PM20D1: variants seen among roughly 807,000 people sequenced by gnomAD.
PM20D1 encodes the protein N-fatty-acyl-amino acid synthase/hydrolase PM20D1.
In PM20D1, 53 loss-of-function variants were observed where a neutral mutation model predicts 53.8. The observed-to-expected ratio is 0.98, with a 90% confidence interval of 0.79 to 1.24. The LOEUF (loss-of-function observed/expected upper bound fraction) is 1.24, where lower values mean the gene tolerates loss of function less well. Ranked by LOEUF, PM20D1 falls within the 50% of genes most tolerant of loss-of-function variation. The pLI, the probability that PM20D1 is intolerant of heterozygous loss-of-function variation, is 0.00. For synonymous variants in PM20D1, 239 were observed against 241.3 expected (o/e 0.99, Z 0.09); for missense variants, 564 against 616.8 (o/e 0.91, Z 0.91).
chr1:205,830,439 G>T (rs985800426), intron 11 of PM20D1, 60 bp from the exon 12 acceptor site: 3 of 1,259,060 alleles, frequency 2.4e-6, no homozygotes, highest in Non-Finnish European at 3.5e-6. Context: ...CAGCGAAGTG[G>T]CTGGGGTGTG....
chr1:205,831,557 G>A (rs955745345), intron 11 of PM20D1, among the ~76,000 whole-genome samples: 10 of 139,570 alleles, frequency 7.2e-5, no homozygotes, highest in South Asian at 4.5e-4. Flanking sequence ...ATTGAGCAAC[G>A]TCTCTCTCCT....
chr1:205,843,670 C>T lies in PM20D1; in HGVS notation c.824G>A (p.Ser275Asn), dbSNP rs779831025. The T allele has an allele frequency of 1.1e-5, 18 of 1,613,374 alleles. No individual in the cohort carries two copies. The East Asian group carries it at 4.0e-4, about 36-fold the overall frequency. The change falls in exon 6 of 13, where the codon AGC becomes AAC. Residue 275 changes from serine (S) to asparagine (N), a missense_variant. By Grantham distance (46) the Ser-to-Asn change is conservative. Transcript: ENST00000367136. The stretch of plus-strand genomic sequence containing the variant: ...AACAGGGCCAGGAGTTGCTTACCGG[C>T]TGACAGCAGCTGCAAGGATGCCAAT... ...TSIGILAAAV[S>N]RLEQTPMPII...
chr1:205,848,149 G>A (rs952278760), intron 1 of PM20D1, among the ~76,000 whole-genome samples, 178 bp from the exon 2 acceptor site: 3 of 152,176 alleles, frequency 2.0e-5, no homozygotes. Flanking sequence ...AATGCTTGGA[G>A]AGGTTAGGTG....
rs2102521683 is a variant in PM20D1 at position 205,830,283 on chromosome 1, T to C, written c.1382A>G (p.Lys461Arg). ...YPIYIQPEDF[K>R]RIHGVNEKIS... ...TGCTCAAACCTGTTCCACTCACCGT[T>C]TGAAGTCTTCAGGCTGTATGTAGAT... Residue 461 changes from lysine (K) to arginine (R), a missense_variant, in exon 12 of 13, where the codon AAA becomes AGA. Lys to Arg is a conservative substitution (Grantham distance 26, BLOSUM62 2). Coordinates refer to ENST00000367136, the MANE Select transcript of PM20D1 (RefSeq NM_152491.5). 3.1e-6 allele frequency: 5 copies of C among 1,592,230 alleles called. No homozygotes were observed. The East Asian group carries it at 6.7e-5, about 21-fold the overall frequency.
intron 2 of PM20D1, among the ~76,000 whole-genome samples, chr1:205,847,006 C>CTTTTTT (rs778538865): frequency 1.1e-3 from 50 of 44,638 alleles, no homozygotes; most frequent in Middle Eastern, 0.025. Context: ...TCCTTCCTTT[C>CTTTTTT]TTTTTTTTTT....
At chr1:205,842,298 A>T (rs1656830526) in intron 7 of PM20D1, 83 bp from the exon 8 acceptor site, 4 of 1,295,218 alleles carry the variant, frequency 3.1e-6, no homozygotes, top group Admixed American at 1.7e-5. Context: ...TCTACTTTAG[A>T]GCTGCCTCAG....
intron 5 of PM20D1, 120 bp downstream of exon 5, chr1:205,843,967 G>A (rs901249235): frequency 8.8e-6 from 13 of 1,477,398 alleles, no homozygotes; most frequent in East Asian, 4.6e-5. Context: ...AGATTGGGGC[G>A]ATTAATGCGA....
At position 205,842,181 on chromosome 1, in the gene PM20D1, G is replaced by A; in HGVS notation, c.938C>T (p.Pro313Leu). ...GCTTATAAGTGGTTCAAATAGCCAT[G>A]GGTTGCTCAGGATTATATTGACAGG... is the stretch of plus-strand genomic sequence containing the variant. ...PFPVNIILSNPWLFEPLISRF... is the reference protein window; with the variant it reads ...PFPVNIILSNLWLFEPLISRF... The change falls in exon 8 of 13, where the codon CCA becomes CTA. Residue 313 changes from proline to leucine, a missense_variant. Coordinates refer to ENST00000367136, the MANE Select transcript of PM20D1 (RefSeq NM_152491.5). 1 of 1,613,304 alleles carries A rather than the reference G, an allele frequency of 6.2e-7. No homozygotes were observed. Among genetic ancestry groups the A allele is most frequent in the South Asian group, 1.1e-5 (1 of 91,060 alleles).
chr1:205,841,718 C>T (rs977369013), intron 9 of PM20D1, 93 bp downstream of exon 9: 2 of 1,284,758 alleles, frequency 1.6e-6, no homozygotes, highest in Non-Finnish European at 2.2e-6. Context: ...CTGACACACA[C>T]AGAAGGAAGG....
At chr1:205,849,051 T>A (rs34439790) in intron 1 of PM20D1, among the ~76,000 whole-genome samples, 1 of 152,336 alleles carries the variant, frequency 6.6e-6, no homozygotes, top group Non-Finnish European at 1.5e-5. Flanking sequence ...CCTCCCAGGC[T>A]TGTCACTCTA....
chr1:205,828,386 C>T lies in PM20D1; in HGVS notation c.*234G>A. 2 of 477,966 alleles carry T rather than the reference C, an allele frequency of 4.2e-6. No homozygotes were observed. The highest frequency in any genetic ancestry group is 7.5e-6 in the Non-Finnish European group (2 of 267,286). 29.6% of individuals were successfully genotyped at this position (477,966 alleles called of 1,614,324 possible). On this transcript the variant is annotated 3_prime_UTR_variant, in exon 13 of 13. Coordinates refer to ENST00000367136, the MANE Select transcript of PM20D1 (RefSeq NM_152491.5). ...ATAAGACAGATAAGGGACAAGAGGG[C>T]AGCAAATGCCAGTGGATCAAGGGAT...
At chr1:205,847,165 G>A (rs1353108820) in intron 2 of PM20D1, among the ~76,000 whole-genome samples, 4 of 126,730 alleles carry the variant, frequency 3.2e-5, no homozygotes, top group South Asian at 2.9e-4. Context: ...ACAGGTGCTC[G>A]CCACCATGCA....
At position 205,841,793 on chromosome 1, in the gene PM20D1, A is replaced by G; in HGVS notation, c.1044+18T>C. ...GGCGGTAGGGAAAAGCTATATGGGGAGGAACCAGGGATGTTACCTTGACCC... is the reference window on the plus strand; with the variant it reads ...GGCGGTAGGGAAAAGCTATATGGGGGGGAACCAGGGATGTTACCTTGACCC... On this transcript the variant is annotated intron_variant, in intron 9 of 12. Coordinates refer to ENST00000367136, the MANE Select transcript of PM20D1 (RefSeq NM_152491.5). 1 of 1,553,782 alleles carries G rather than the reference A, an allele frequency of 6.4e-7. No individual in the cohort carries two copies.
intron 1 of PM20D1, 91 bp downstream of exon 1, chr1:205,849,813 G>GC: frequency 6.8e-7 from 1 of 1,481,178 alleles, no homozygotes; most frequent in Non-Finnish European, 9.1e-7. Flanking sequence ...AGTAGCAGAT[G>GC]CTTTGCGGCG....
intron 2 of PM20D1, among the ~76,000 whole-genome samples, chr1:205,846,598 A>G (rs542008514): frequency 1.3e-5 from 2 of 152,204 alleles, no homozygotes; most frequent in African/African-American, 2.4e-5. Flanking sequence ...ATATTATATT[A>G]AAAAGTTCAG....
Position 205,849,995 on chromosome 1 carries a change from C to A in PM20D1, c.78G>T (p.Met26Ile), listed in dbSNP as rs1367533345. 2.5e-6 allele frequency: 4 copies of A among 1,614,068 alleles called. No individual in the cohort carries two copies. The Admixed American group carries it at 6.7e-5, about 27-fold the overall frequency. Residue 26 changes from methionine to isoleucine, a missense_variant, in exon 1 of 13, where the codon ATG becomes ATT. Physicochemically the swap from Met to Ile is conservative, Grantham distance 10 (BLOSUM62 1). Transcript: ENST00000367136. ...TTTGATGCTCCCCGCTCCTCGGGCC[C>A]ATCGATCTGGAGACGGTAGGGAAAA... ...LLVFPTVSRS[M>I]GPRSGEHQRA...
intron 5 of PM20D1, 130 bp from the exon 6 acceptor site, chr1:205,843,916 T>C: frequency 6.8e-7 from 1 of 1,474,702 alleles, no homozygotes; most frequent in Non-Finnish European, 9.1e-7. Context: ...AAAAATTTTA[T>C]ACTGGAGGAA....
At chr1:205,839,910 C>CAAAAAA (rs567749262) in intron 10 of PM20D1, among the ~76,000 whole-genome samples, 82 of 58,078 alleles carry the variant, frequency 1.4e-3, no homozygotes, top group East Asian at 3.2e-3. Flanking sequence ...GACTCTGACT[C>CAAAAAA]AAAAAAAAAA....
At position 205,845,514 on chromosome 1, in the gene PM20D1, G is replaced by A. The variant is rs1420838549; in HGVS notation, c.300C>T (p.Val100=). 4 of 1,614,062 alleles carry A rather than the reference G, an allele frequency of 2.5e-6. No homozygotes were observed. The highest frequency in any genetic ancestry group is 2.2e-5 in the East Asian group (1 of 44,896). Residue 100 remains valine (V), a synonymous_variant, in exon 3 of 13, where the codon GTC becomes GTT. Transcript: ENST00000367136. ...VVSTSFIQHE[V]VEEYSHLFTI... ...TGAACAGGTGGCTATACTCTTCCAC[G>A]ACTTCATGCTGGATAAAGCTGGTGC...
Sources: gnomAD v4.1 joint callset for allele counts (sites outside exome capture counted in the v4.1 genomes callset) on GRCh38, gnomAD v4.1.1 for gene constraint, MANE v1.5 for transcripts, NCBI Gene and HGNC (gene_info 2026-07-23, HGNC 2026-07-21) for gene names.